RAB3D: variants seen among roughly 807,000 people sequenced by gnomAD.
RAB3D encodes the protein ras-related protein Rab-3D.
In RAB3D, 17 loss-of-function variants were observed where a neutral mutation model predicts 19.3. That is an observed-to-expected ratio of 0.88 (90% CI 0.60 to 1.32). The LOEUF (loss-of-function observed/expected upper bound fraction) is 1.32, where lower values mean the gene tolerates loss of function less well. Among genes scored for constraint, RAB3D ranks in the 40% most tolerant of loss-of-function variants. The pLI is 0.00. For synonymous variants in RAB3D, 103 were observed against 119.9 expected, an observed-to-expected ratio of 0.86 and a Z score of 0.92; for missense variants, 223 against 299.1, an observed-to-expected ratio of 0.75 and a Z score of 1.88.
chr19:11,332,233 T>C (rs77810042), intron 4 of RAB3D, among the ~76,000 whole-genome samples: 4,923 of 152,278 alleles, frequency 0.032, 87 homozygotes, highest in African/African-American at 0.042. Context: ...GGTTTCACCA[T>C]GTTGGTCAGG....
intron 4 of RAB3D, among the ~76,000 whole-genome samples, chr19:11,334,366 G>A (rs778571046): frequency 6.6e-6 from 1 of 152,160 alleles, no homozygotes; most frequent in East Asian, 1.9e-4. Flanking sequence ...ATACTCAGGA[G>A]GCTGAGGAAG....
In RAB3D at chr19:11,322,187, G is replaced by A. The variant is rs760974584; in HGVS notation, c.*3211C>T. The A allele has an allele frequency of 2.0e-5, 3 of 152,150 alleles. No homozygotes were observed. Among genetic ancestry groups the A allele is most frequent in the East Asian group, 1.9e-4 (1 of 5,202 alleles). 9.4% of individuals were successfully genotyped at this position (152,150 alleles called of 1,614,324 possible). A position where few individuals can be genotyped will look rare whatever the true frequency, so the allele number is the denominator to read the frequency against. Reference sequence around the variant, plus strand: ...GGATAGAAAGGACCAGCCAGAGCTCGTTCAGTAGTGTATTTCAGAATCATC... The same window carrying A: ...GGATAGAAAGGACCAGCCAGAGCTCATTCAGTAGTGTATTTCAGAATCATC... On this transcript the variant is annotated 3_prime_UTR_variant, in exon 5 of 5. Coordinates refer to ENST00000222120, the MANE Select transcript of RAB3D (RefSeq NM_004283.4).
intron 1 of RAB3D, 22 bp from the exon 2 acceptor site, chr19:11,337,482 A>G (rs1966906912): frequency 2.7e-6 from 3 of 1,104,122 alleles, no homozygotes; most frequent in Non-Finnish European, 4.1e-6. Flanking sequence ...TCAAACATCA[A>G]GAACAGCTCC....
intron 4 of RAB3D, 141 bp downstream of exon 4, chr19:11,335,306 C>T (rs139605846): frequency 8.6e-5 from 106 of 1,229,492 alleles, no homozygotes; most frequent in Admixed American, 1.2e-4. Context: ...TGCAATTAGA[C>T]GGGACATGTG....
chr19:11,330,351 T>C (rs951315184), intron 4 of RAB3D, among the ~76,000 whole-genome samples: 9 of 152,178 alleles, frequency 5.9e-5, no homozygotes, highest in African/African-American at 1.9e-4. Flanking sequence ...CTTTTCTGTA[T>C]TGAGACAGCC....
At chr19:11,334,458 G>C (rs1228967456) in intron 4 of RAB3D, among the ~76,000 whole-genome samples, 1 of 152,062 alleles carries the variant, frequency 6.6e-6, no homozygotes, top group Non-Finnish European at 1.5e-5. Context: ...AACAGAGGGA[G>C]ACTCCATCTC....
Position 11,325,375 on chromosome 19 carries a change from G to A in RAB3D, c.*23C>T. Reference sequence around the variant, plus strand: ...GTCCCTGCCGAGGCAGGAGAGGGGTGGGTGGGGGGTTGGGGGCCATCTCTA... The same window carrying A: ...GTCCCTGCCGAGGCAGGAGAGGGGTAGGTGGGGGGTTGGGGGCCATCTCTA... On this transcript the variant is annotated 3_prime_UTR_variant, in exon 5 of 5. Coordinates refer to ENST00000222120, the MANE Select transcript of RAB3D (RefSeq NM_004283.4). The A allele has an allele frequency of 6.8e-7, 1 of 1,465,338 alleles. No individual in the cohort carries two copies. Among genetic ancestry groups the A allele is most frequent in the Non-Finnish European group, 9.2e-7 (1 of 1,086,080 alleles). 90.8% of individuals were successfully genotyped at this position (1,465,338 alleles called of 1,614,324 possible).
chr19:11,329,629 G>C (rs116510463), intron 4 of RAB3D, among the ~76,000 whole-genome samples: 4,311 of 136,514 alleles, frequency 0.032, 205 homozygotes, highest in African/African-American at 0.12. Context: ...TAAAACAAAA[G>C]AAAAGAAAAA....
intron 4 of RAB3D, among the ~76,000 whole-genome samples, chr19:11,334,813 C>A (rs2080846540): frequency 6.6e-6 from 1 of 152,080 alleles, no homozygotes; most frequent in Non-Finnish European, 1.5e-5. Context: ...GTACCAGCTA[C>A]TTGGGAGGCT....
chr19:11,338,754 G>A (rs1382561051), intron 1 of RAB3D, among the ~76,000 whole-genome samples: 1 of 152,120 alleles, frequency 6.6e-6, no homozygotes, highest in African/African-American at 2.4e-5. Context: ...CACGACCACT[G>A]CCGCCCACCC....
chr19:11,335,501 C>G lies in RAB3D; in HGVS notation c.418G>C (p.Glu140Gln), dbSNP rs2080849316. ...TCAGCAGGCACAACACGTTCGTCCT[C>G]CAGGTCACACTTGTTCCCCACCAGG... is the stretch of plus-strand genomic sequence containing the variant. ...VILVGNKCDL[E>Q]DERVVPAEDG... Residue 140 changes from glutamate (E) to glutamine (Q), a missense_variant, in exon 4 of 5, where the codon GAG becomes CAG. Glu to Gln is a conservative substitution (Grantham distance 29). Coordinates refer to ENST00000222120, the MANE Select transcript of RAB3D (RefSeq NM_004283.4). 9.3e-6 allele frequency: 15 copies of G among 1,614,098 alleles called. No homozygotes were observed. Among genetic ancestry groups the G allele is most frequent in the African/African-American group, 1.3e-5 (1 of 74,946 alleles).
intron 2 of RAB3D, among the ~76,000 whole-genome samples, chr19:11,336,623 A>T (rs1966897447): frequency 6.6e-6 from 1 of 151,834 alleles, no homozygotes; most frequent in Admixed American, 6.6e-5. Flanking sequence ...AGTACTTCAA[A>T]CATGTCTTAG....
rs1175594530 is a variant in RAB3D, at chr19:11,324,517, C to T, written c.*881G>A. ...AACCAGCTAAACAGCTAAACAGGGCCTGGGAGGGAGGCCCCAGCCCCAGGC... is the reference window on the plus strand; with the variant it reads ...AACCAGCTAAACAGCTAAACAGGGCTTGGGAGGGAGGCCCCAGCCCCAGGC... On this transcript the variant is annotated 3_prime_UTR_variant, in exon 5 of 5. Coordinates refer to ENST00000222120, the MANE Select transcript of RAB3D (RefSeq NM_004283.4). The T allele has an allele frequency of 7.3e-6, 1 of 136,940 alleles. No individual in the cohort carries two copies. Among genetic ancestry groups the T allele is most frequent in the Admixed American group, 6.7e-5 (1 of 15,034 alleles). 8.5% of individuals were successfully genotyped at this position (136,940 alleles called of 1,614,324 possible). A position where few individuals can be genotyped will look rare whatever the true frequency, so the allele number is the denominator to read the frequency against.
At chr19:11,337,035 A>T in intron 2 of RAB3D, 137 bp downstream of exon 2, 1 of 685,650 alleles carries the variant, frequency 1.5e-6, no homozygotes, top group Non-Finnish European at 2.5e-6. Flanking sequence ...TGGAGGTTGC[A>T]GTGAGCCGAG....
Position 11,335,491 on chromosome 19 carries a change from C to T in RAB3D, c.428G>A (p.Arg143His), listed in dbSNP as rs369931189. Residue 143 changes from arginine (R) to histidine (H), a missense_variant, in exon 4 of 5, where the codon CGT becomes CAT. Physicochemically the swap from Arg to His is conservative, Grantham distance 29. Coordinates refer to ENST00000222120, the MANE Select transcript of RAB3D (RefSeq NM_004283.4). ...CCGGCCATCCTCAGCAGGCACAACA[C>T]GTTCGTCCTCCAGGTCACACTTGTT... is the stretch of plus-strand genomic sequence containing the variant. ...VGNKCDLEDE[R>H]VVPAEDGRRL... is the part of the protein sequence containing the mutation. The T allele has an allele frequency of 1.4e-4, 218 of 1,614,050 alleles. No individual in the cohort carries two copies. Among genetic ancestry groups the T allele is most frequent in the Admixed American group, 2.5e-4 (15 of 59,990 alleles).
chr19:11,333,726 C>T (rs1391123600), intron 4 of RAB3D, among the ~76,000 whole-genome samples: 1 of 151,836 alleles, frequency 6.6e-6, no homozygotes, highest in Non-Finnish European at 1.5e-5. Context: ...CAGAGTCTCC[C>T]CCCATTGCCC....
chr19:11,331,173 T>C (rs879311373), intron 4 of RAB3D, among the ~76,000 whole-genome samples: 3 of 151,414 alleles, frequency 2.0e-5, no homozygotes, highest in Admixed American at 6.6e-5. Context: ...TGGGTGCCTG[T>C]AATCCCAGCT....
At chr19:11,332,980 A>G (rs962158102) in intron 4 of RAB3D, among the ~76,000 whole-genome samples, 9 of 152,196 alleles carry the variant, frequency 5.9e-5, no homozygotes, top group Non-Finnish European at 1.2e-4. Context: ...AATAATCTCC[A>G]TGGCTGTCAA....
chr19:11,338,435 T>C (rs1966918519), intron 1 of RAB3D, among the ~76,000 whole-genome samples: 1 of 152,166 alleles, frequency 6.6e-6, no homozygotes, highest in Non-Finnish European at 1.5e-5. Flanking sequence ...ATAGAGCCCC[T>C]GATTAAGGCT....
Sources: gnomAD v4.1 joint callset for allele counts (sites outside exome capture counted in the v4.1 genomes callset) on GRCh38, gnomAD v4.1.1 for gene constraint, MANE v1.5 for transcripts, NCBI Gene and HGNC (gene_info 2026-07-23, HGNC 2026-07-21) for gene names.